The following EPHA5 variants were observed in gnomAD, a reference collection of about 807,000 sequenced individuals.
EPHA5 encodes ephrin type-A receptor 5.
Under a neutral mutation model 105.0 loss-of-function variants are expected in EPHA5, and 60 were observed. That is an observed-to-expected ratio of 0.57 (90% CI 0.46 to 0.71). The LOEUF (loss-of-function observed/expected upper bound fraction) is 0.71. Among genes scored for constraint, EPHA5 ranks in the 30% least tolerant of loss-of-function variants. The probability of loss-of-function intolerance (pLI) is 0.00; values close to 1 mark genes in which losing one functional copy is unlikely to be tolerated. For missense variants in EPHA5, 1,218 were observed against 1,274.7 expected, an observed-to-expected ratio of 0.96 and a Z score of 0.68; for synonymous variants, 513 against 449.1, an observed-to-expected ratio of 1.14 and a Z score of -1.80.
chr4:65,565,319 A>G (rs1166489808), intron 3 of EPHA5, among the ~76,000 whole-genome samples: 1 of 151,702 alleles, frequency 6.6e-6, no homozygotes, highest in Non-Finnish European at 1.5e-5. Context: ...GTGGTGCCCA[A>G]TATATTCAAT....
intron 3 of EPHA5, among the ~76,000 whole-genome samples, chr4:65,595,076 T>C (rs1476450963): frequency 6.6e-6 from 1 of 151,942 alleles, no homozygotes; most frequent in Non-Finnish European, 1.5e-5. Context: ...AAGCTCCCTC[T>C]GTTTGCTGTA....
At chr4:65,651,450 A>G (rs75963923) in intron 1 of EPHA5, among the ~76,000 whole-genome samples, 5,517 of 152,202 alleles carry the variant, frequency 0.036, 324 homozygotes, top group African/African-American at 0.13. Context: ...TCCAGTGTCT[A>G]TTCTCCTTCC....
Position 65,348,060 on chromosome 4 carries a change from A to G in EPHA5, c.2589T>C (p.Asn863=). 1 of 1,605,288 alleles carries G rather than the reference A, an allele frequency of 6.2e-7. No homozygotes were observed. Residue 863 remains asparagine (N), a synonymous_variant, in exon 14 of 17, where the codon AAT becomes AAC. Transcript: ENST00000613740. The part of the protein sequence containing the change: ...YGERPYWEMT[N]QDVIKAVEEG... The stretch of plus-strand genomic sequence containing the variant: ...AGAGTAGTTCCATACTCACATCTTG[A>G]TTGGTCATCTCCCAGTAGGGTCTCT...
intron 3 of EPHA5, among the ~76,000 whole-genome samples, chr4:65,583,864 A>ATTTTT (rs1741877923): frequency 6.6e-6 from 1 of 151,712 alleles, no homozygotes; most frequent in Admixed American, 6.6e-5. Context: ...AAATAGGTAT[A>ATTTTT]TATATTCTTA....
At chr4:65,581,351 T>C (rs534740370) in intron 3 of EPHA5, among the ~76,000 whole-genome samples, 24 of 151,898 alleles carry the variant, frequency 1.6e-4, no homozygotes, top group Middle Eastern at 3.4e-3. Flanking sequence ...TTAATCTGTC[T>C]TTTGTTACAA....
In EPHA5 at chr4:65,348,816, T is replaced by TATA. The variant is rs1553896844; in HGVS notation, c.2446-614_2446-613insTAT. Reference sequence around the variant, plus strand: ...GTGTATATATATATATATATATATATTTTTTTTTTTTTTTTTTGAGACAGG... The same window carrying TATA: ...GTGTATATATATATATATATATATATATATTTTTTTTTTTTTTTTTGAGACAGG... On this transcript the variant is annotated intron_variant, in intron 13 of 16. Coordinates refer to ENST00000613740, the MANE Select transcript of EPHA5 (RefSeq NM_001281766.3). Among the ~76,000 whole-genome samples, 57 of 27,054 alleles carry TATA rather than the reference T, an allele frequency of 2.1e-3. 2 individuals carry two copies. Among genetic ancestry groups the TATA allele is most frequent in the Non-Finnish European group, 3.4e-3 (39 of 11,488 alleles). The allele number at this position is 27,054 out of a possible 152,430, so 17.7% of individuals were successfully genotyped here. A position where few individuals can be genotyped will look rare whatever the true frequency, so the allele number is the denominator to read the frequency against.
chr4:65,425,388 A>G (rs1474785524), intron 5 of EPHA5, among the ~76,000 whole-genome samples: 2 of 152,044 alleles, frequency 1.3e-5, no homozygotes, highest in African/African-American at 4.8e-5. Context: ...ACTTCTTATT[A>G]ATGAAGCAGG....
intron 5 of EPHA5, among the ~76,000 whole-genome samples, chr4:65,476,594 A>C (rs1416218985): frequency 6.6e-6 from 1 of 152,178 alleles, no homozygotes; most frequent in African/African-American, 2.4e-5. Flanking sequence ...ACGGAGTGAG[A>C]GGAGGGATAA....
intron 1 of EPHA5, among the ~76,000 whole-genome samples, chr4:65,656,881 G>T (rs1413476566): frequency 6.7e-6 from 1 of 150,310 alleles, no homozygotes; most frequent in Non-Finnish European, 1.5e-5. Flanking sequence ...TAGATTAGGA[G>T]AATCTAATAT....
intron 5 of EPHA5, among the ~76,000 whole-genome samples, chr4:65,442,228 A>G (rs1459597926): frequency 6.6e-6 from 1 of 152,086 alleles, no homozygotes; most frequent in African/African-American, 2.4e-5. Context: ...GGCTTCAGTG[A>G]GGTCATTAGG....
At chr4:65,405,346 TG>T (rs376790547) in intron 7 of EPHA5, among the ~76,000 whole-genome samples, 67 of 152,328 alleles carry the variant, frequency 4.4e-4, no homozygotes, top group African/African-American at 1.5e-3. Flanking sequence ...ATATCTAGCA[TG>T]CTTCTTGTTT....
intron 8 of EPHA5, among the ~76,000 whole-genome samples, chr4:65,386,991 G>A (rs1012890417): frequency 2.6e-5 from 4 of 151,856 alleles, no homozygotes; most frequent in Non-Finnish European, 4.4e-5. Context: ...AAGTGAAGAA[G>A]CAAGACGTCT....
chr4:65,425,555 T>G (rs1042442309), intron 5 of EPHA5, among the ~76,000 whole-genome samples: 1 of 152,076 alleles, frequency 6.6e-6, no homozygotes, highest in Non-Finnish European at 1.5e-5. Flanking sequence ...TCAGTAAAAT[T>G]CAGGAAGTAA....
At chr4:65,495,022 A>G (rs1255682351) in intron 4 of EPHA5, among the ~76,000 whole-genome samples, 1 of 149,086 alleles carries the variant, frequency 6.7e-6, no homozygotes, top group African/African-American at 2.5e-5. Context: ...AGAAAGAAGA[A>G]GAGGAAGAGG....
intron 3 of EPHA5, among the ~76,000 whole-genome samples, chr4:65,563,592 T>C (rs1198058434): frequency 6.6e-6 from 1 of 152,022 alleles, no homozygotes; most frequent in East Asian, 1.9e-4. Context: ...GATATTACTC[T>C]AATGGGAAGA....
At chr4:65,417,160 T>C (rs1487137503) in intron 6 of EPHA5, among the ~76,000 whole-genome samples, 1 of 152,156 alleles carries the variant, frequency 6.6e-6, no homozygotes, top group Admixed American at 6.5e-5. Flanking sequence ...AATGAGCCCA[T>C]CATCACACGG....
At chr4:65,482,171 G>T (rs1349649103) in intron 5 of EPHA5, among the ~76,000 whole-genome samples, 1 of 151,860 alleles carries the variant, frequency 6.6e-6, no homozygotes, top group African/African-American at 2.4e-5. Flanking sequence ...TGTGGTGGGT[G>T]CTTGTAATCC....
At chr4:65,615,193 T>C (rs1300636811) in intron 2 of EPHA5, among the ~76,000 whole-genome samples, 1 of 151,718 alleles carries the variant, frequency 6.6e-6, no homozygotes, top group Non-Finnish European at 1.5e-5. Context: ...ATATATGTAA[T>C]GAAAGTCTCA....
chr4:65,443,016 A>T (rs539593756), intron 5 of EPHA5, among the ~76,000 whole-genome samples: 5 of 152,254 alleles, frequency 3.3e-5, no homozygotes, highest in Non-Finnish European at 5.9e-5. Context: ...ATTTGAACAA[A>T]CTATATATTC....
Sources: gnomAD v4.1 joint callset for allele counts (sites outside exome capture counted in the v4.1 genomes callset) on GRCh38, gnomAD v4.1.1 for gene constraint, MANE v1.5 for transcripts, NCBI Gene and HGNC (gene_info 2026-07-23, HGNC 2026-07-21) for gene names.